The following ANKFN1 variants were observed in gnomAD, a reference collection of about 807,000 sequenced individuals.
ANKFN1 encodes ankyrin repeat and fibronectin type-III domain-containing protein 1.
ANKFN1 carries 74 observed loss-of-function variants against 108.7 expected under a neutral mutation model. The observed-to-expected ratio is 0.68, with a 90% CI of 0.56 to 0.83. ANKFN1 has a LOEUF of 0.83. ANKFN1 is among the 40% of genes least tolerant of loss of function. The pLI is 0.00. For synonymous variants in ANKFN1, 547 were observed against 516.2 expected, an observed-to-expected ratio of 1.06 and a Z score of -0.81; for missense variants, 1,505 against 1,382.3, an observed-to-expected ratio of 1.09 and a Z score of -1.41.
intron 4 of ANKFN1, among the ~76,000 whole-genome samples, chr17:56,121,756 A>G (rs932042106): frequency 6.6e-6 from 1 of 152,218 alleles, no homozygotes. Context: ...GATCATTAAC[A>G]TTGGTTATAT....
At chr17:56,452,780 T>C (rs1408448463) in intron 11 of ANKFN1, among the ~76,000 whole-genome samples, 2 of 152,180 alleles carry the variant, frequency 1.3e-5, no homozygotes, top group African/African-American at 4.8e-5. Flanking sequence ...CTGACTTTTT[T>C]AGTTTAATCT....
chr17:56,219,042 A>G (rs1277117919), intron 2 of ANKFN1, among the ~76,000 whole-genome samples: 2 of 152,276 alleles, frequency 1.3e-5, no homozygotes, highest in South Asian at 2.1e-4. Flanking sequence ...CTCATATACA[A>G]TAGACTGACT....
intron 4 of ANKFN1, among the ~76,000 whole-genome samples, chr17:56,128,745 T>C (rs1452316670): frequency 6.6e-6 from 1 of 152,238 alleles, no homozygotes; most frequent in East Asian, 1.9e-4. Flanking sequence ...GGGATTCTCA[T>C]ATATATCTGA....
chr17:56,366,555 A>G (rs532531302), intron 6 of ANKFN1, among the ~76,000 whole-genome samples: 1 of 152,304 alleles, frequency 6.6e-6, no homozygotes, highest in East Asian at 1.9e-4. Context: ...TTCAGGGTAA[A>G]TGCCCTATAC....
chr17:56,295,256 T>C (rs568045431), intron 3 of ANKFN1, among the ~76,000 whole-genome samples: 212 of 152,318 alleles, frequency 1.4e-3, no homozygotes, highest in Non-Finnish European at 2.2e-3. Flanking sequence ...CACCACTCAT[T>C]TCAGCAAAAA....
intron 8 of ANKFN1, among the ~76,000 whole-genome samples, chr17:56,388,969 A>T (rs2047352426): frequency 6.6e-6 from 1 of 152,084 alleles, no homozygotes; most frequent in African/African-American, 2.4e-5. Flanking sequence ...GTGGGAATGT[A>T]AAATGATACA....
chr17:56,488,817 T>G (rs1386965074), intron 18 of ANKFN1, among the ~76,000 whole-genome samples: 1 of 152,232 alleles, frequency 6.6e-6, no homozygotes, highest in Non-Finnish European at 1.5e-5. Flanking sequence ...TAGATATCCT[T>G]AGGAAGAATA....
intron 18 of ANKFN1, among the ~76,000 whole-genome samples, chr17:56,488,392 G>T (rs2050923522): frequency 6.6e-6 from 1 of 152,156 alleles, no homozygotes; most frequent in African/African-American, 2.4e-5. Flanking sequence ...GTCTGAATAA[G>T]AGTGCCGAGA....
intron 3 of ANKFN1, among the ~76,000 whole-genome samples, chr17:56,299,914 C>T (rs17213068): frequency 6.6e-6 from 1 of 152,148 alleles, no homozygotes; most frequent in African/African-American, 2.4e-5. Flanking sequence ...ATACACACCC[C>T]TCTGAATTCT....
chr17:56,139,444 T>C (rs781705249), intron 4 of ANKFN1, among the ~76,000 whole-genome samples: 7 of 152,140 alleles, frequency 4.6e-5, no homozygotes, highest in Non-Finnish European at 2.9e-5. Flanking sequence ...GTTGTGCCAT[T>C]AGAATCAGGG....
intron 5 of ANKFN1, among the ~76,000 whole-genome samples, 173 bp from the exon 6 acceptor site, chr17:56,353,663 C>G (rs775163894): frequency 6.6e-6 from 1 of 152,114 alleles, no homozygotes; most frequent in African/African-American, 2.4e-5. Flanking sequence ...TTAGAAATGA[C>G]GGAGGGGAAG....
intron 1 of ANKFN1, among the ~76,000 whole-genome samples, chr17:56,157,178 G>A (rs531662814): frequency 6.6e-6 from 1 of 152,310 alleles, no homozygotes; most frequent in Non-Finnish European, 1.5e-5. Flanking sequence ...GCAGGGGACA[G>A]CAAAGGGAGA....
chr17:56,079,766 T>G lies in ANKFN1; in HGVS notation c.288+33441T>G, dbSNP rs561647419. On this transcript the variant is annotated intron_variant, in intron 4 of 12. Transcript: ENST00000635860. ...AGCTTTGCATCAGAACGTGACAAGGTGGTGACTCCCTTTTTGCACTGCCTA... is the reference window on the plus strand; with the variant it reads ...AGCTTTGCATCAGAACGTGACAAGGGGGTGACTCCCTTTTTGCACTGCCTA... 6.6e-5 allele frequency among the ~76,000 whole-genome samples: 10 copies of G among 152,258 alleles called. No homozygotes were observed. The East Asian group carries it at 1.9e-3, about 29-fold the overall frequency.
intron 5 of ANKFN1, among the ~76,000 whole-genome samples, chr17:56,351,401 T>C (rs2046243577): frequency 6.6e-6 from 1 of 150,894 alleles, no homozygotes; most frequent in African/African-American, 2.4e-5. Flanking sequence ...ATGTATTATA[T>C]GATAGACAAA....
At chr17:56,051,974 C>T (rs1300573315) in intron 4 of ANKFN1, among the ~76,000 whole-genome samples, 4 of 146,216 alleles carry the variant, frequency 2.7e-5, no homozygotes, top group East Asian at 2.0e-4. Flanking sequence ...GAATCAATAT[C>T]GTGAAAATGG....
chr17:56,242,178 A>G (rs988122467), intron 3 of ANKFN1, among the ~76,000 whole-genome samples: 1 of 152,188 alleles, frequency 6.6e-6, no homozygotes, highest in African/African-American at 2.4e-5. Flanking sequence ...TTTCTTCACT[A>G]TTACCTATAT....
intron 4 of ANKFN1, among the ~76,000 whole-genome samples, chr17:56,078,687 A>G (rs999905105): frequency 8.5e-5 from 13 of 152,206 alleles, no homozygotes; most frequent in Admixed American, 3.3e-4. Flanking sequence ...TCACAGAAAC[A>G]CAGATACCCT....
At chr17:56,476,139 T>C (rs75425125) in intron 15 of ANKFN1, among the ~76,000 whole-genome samples, 186 of 152,260 alleles carry the variant, frequency 1.2e-3, no homozygotes, top group African/African-American at 4.4e-3. Context: ...CATGACCCAG[T>C]TACCTCCCAC....
chr17:56,341,736 A>G (rs543603347), intron 4 of ANKFN1, among the ~76,000 whole-genome samples: 11 of 151,938 alleles, frequency 7.2e-5, no homozygotes, highest in South Asian at 2.1e-4. Flanking sequence ...TTTTGCATCA[A>G]TGTTCTTCCA....
Sources: gnomAD v4.1 joint callset for allele counts (sites outside exome capture counted in the v4.1 genomes callset) on GRCh38, gnomAD v4.1.1 for gene constraint, MANE v1.5 for transcripts, NCBI Gene and HGNC (gene_info 2026-07-23, HGNC 2026-07-21) for gene names.